Variants in OXR1 observed in about 807,000 individuals in gnomAD.
The protein encoded by OXR1 is oxidation resistance 1, also known as oxidation resistance protein 1.
In OXR1, 41 loss-of-function variants were observed where a neutral mutation model predicts 104.6. That is an observed-to-expected ratio of 0.39 (90% CI 0.31 to 0.51). OXR1 has a LOEUF of 0.51. Ranked by LOEUF, OXR1 falls within the 20% of genes least tolerant of loss-of-function variation. The pLI is 0.77. For missense variants in OXR1, 955 were observed against 1,031.9 expected, an observed-to-expected ratio of 0.93 and a Z score of 1.02; for synonymous variants, 348 against 348.4, an observed-to-expected ratio of 1.00 and a Z score of 0.01.
chr8:106,692,901 G>T (rs761030885), intron 7 of OXR1, 24 bp downstream of exon 7: 1 of 1,534,398 alleles, frequency 6.5e-7, no homozygotes, highest in South Asian at 1.2e-5. Flanking sequence ...CTTTAGAGAA[G>T]ACCTTTAATC....
intron 3 of OXR1, among the ~76,000 whole-genome samples, chr8:106,587,134 T>C (rs969650854): frequency 6.6e-6 from 1 of 152,028 alleles, no homozygotes; most frequent in Non-Finnish European, 1.5e-5. Flanking sequence ...AGTAAAGAGT[T>C]TCAAGATTGT....
chr8:106,734,116 C>T (rs1030848479), intron 11 of OXR1, among the ~76,000 whole-genome samples: 9 of 151,552 alleles, frequency 5.9e-5, no homozygotes, highest in African/African-American at 1.5e-4. Context: ...CCACCAGGCC[C>T]GGCTAATTTT....
intron 3 of OXR1, among the ~76,000 whole-genome samples, chr8:106,571,029 C>T (rs576873573): frequency 7.2e-5 from 11 of 151,778 alleles, no homozygotes; most frequent in African/African-American, 2.7e-4. Context: ...TTGAAGCACA[C>T]GGGACACATT....
intron 2 of OXR1, among the ~76,000 whole-genome samples, chr8:106,368,053 C>T (rs1216018390): frequency 2.0e-5 from 3 of 152,046 alleles, no homozygotes; most frequent in African/African-American, 4.8e-5. Flanking sequence ...AAATTTTGCC[C>T]TCCCTTACTA....
At chr8:106,392,485 C>T (rs1316720277) in intron 2 of OXR1, among the ~76,000 whole-genome samples, 1 of 151,922 alleles carries the variant, frequency 6.6e-6, no homozygotes, top group Non-Finnish European at 1.5e-5. Flanking sequence ...CACAAGGTCA[C>T]AGAGGTAGAG....
chr8:106,488,029 A>G (rs1563555526), intron 2 of OXR1, among the ~76,000 whole-genome samples: 2 of 147,406 alleles, frequency 1.4e-5, no homozygotes, highest in South Asian at 2.1e-4. Flanking sequence ...ACTAGTTTAC[A>G]GTCCCACCAA....
intron 2 of OXR1, among the ~76,000 whole-genome samples, chr8:106,426,222 A>G (rs555848842): frequency 1.2e-4 from 18 of 152,200 alleles, no homozygotes; most frequent in African/African-American, 4.3e-4. Flanking sequence ...TACTTAGAAC[A>G]GGACCTGGCA....
chr8:106,738,923 T>G (rs1325563969), intron 12 of OXR1, among the ~76,000 whole-genome samples: 1 of 152,108 alleles, frequency 6.6e-6, no homozygotes, highest in East Asian at 1.9e-4. Flanking sequence ...GTAACGTTTG[T>G]CAGTGAAACA....
chr8:106,588,247 C>G (rs2130676037), intron 3 of OXR1, among the ~76,000 whole-genome samples: 1 of 152,142 alleles, frequency 6.6e-6, no homozygotes, highest in East Asian at 1.9e-4. Context: ...GCATGAGCCA[C>G]CGCATCCGGC....
rs183687099 is a variant in OXR1 at position 106,358,308 on chromosome 8, T to A, written c.-138-1168T>A. Among the ~76,000 whole-genome samples, 46 of 152,326 alleles carry A rather than the reference T, an allele frequency of 3.0e-4. 1 individual carries two copies. Among genetic ancestry groups the A allele is most frequent in the East Asian group, 5.8e-4 (3 of 5,174 alleles). On this transcript the variant is annotated intron_variant, in intron 1 of 16. Transcript: ENST00000517566. ...GTATGAAAGAAAAATAAACTTTTTT[T>A]AAGCCACTTTATTTAGTGGCTTTTT... is the stretch of plus-strand genomic sequence containing the variant.
At chr8:106,495,044 G>A (rs1337415980) in intron 2 of OXR1, among the ~76,000 whole-genome samples, 1 of 152,028 alleles carries the variant, frequency 6.6e-6, no homozygotes, top group African/African-American at 2.4e-5. Flanking sequence ...TAGCCGATTT[G>A]CCCCTGCACA....
chr8:106,563,312 A>G (rs934277683), intron 3 of OXR1, among the ~76,000 whole-genome samples: 53 of 144,168 alleles, frequency 3.7e-4, no homozygotes, highest in South Asian at 1.6e-3. Context: ...AAAAAAAAAA[A>G]AAGAAAAAAA....
At chr8:106,696,101 A>G (rs764737229) in intron 7 of OXR1, among the ~76,000 whole-genome samples, 19 of 152,094 alleles carry the variant, frequency 1.2e-4, no homozygotes, top group Admixed American at 5.9e-4. Flanking sequence ...AAAATCCTCT[A>G]TGCACCACCT....
rs547640811 is a variant in OXR1 at position 106,680,835 on chromosome 8, C to T, written c.303+1543C>T. On this transcript the variant is annotated intron_variant, in intron 4 of 16. Transcript: ENST00000517566. ...ACCAATTCTTCTTCCTCCATCCTTCCACAATTCCTGATTTTCTCATTTCCG... is the reference window on the plus strand; with the variant it reads ...ACCAATTCTTCTTCCTCCATCCTTCTACAATTCCTGATTTTCTCATTTCCG... Among the ~76,000 whole-genome samples the T allele has an allele frequency of 9.9e-5, 15 of 152,202 alleles. No homozygotes were observed. The South Asian group carries it at 3.1e-3, about 32-fold the overall frequency.
rs1319781062 is a variant in OXR1, at chr8:106,706,383, G to T, written c.862G>T (p.Asp288Tyr). 1.9e-6 allele frequency: 3 copies of T among 1,560,466 alleles called. No individual in the cohort carries two copies. The highest frequency in any genetic ancestry group is 1.7e-6 in the Non-Finnish European group (2 of 1,161,830). Residue 288 changes from aspartate to tyrosine, a missense_variant and splice_region_variant, in exon 9 of 17, where the codon GAT (aspartate) becomes TAT (tyrosine). Coordinates refer to ENST00000517566, the MANE Select transcript of OXR1 (RefSeq NM_001198533.2). ...DSKIKESLPI[D>Y]IDQLSGRDFC... ...ATTTTTAATTTTGTTTAATGACAGAGATATAGATCAGCTATCAGGAAGGGA... is the reference window on the plus strand; with the variant it reads ...ATTTTTAATTTTGTTTAATGACAGATATATAGATCAGCTATCAGGAAGGGA...
chr8:106,537,117 T>C (rs565513571), intron 3 of OXR1, among the ~76,000 whole-genome samples: 16 of 152,076 alleles, frequency 1.1e-4, no homozygotes, highest in African/African-American at 3.6e-4. Context: ...CCTCATGTCT[T>C]TATAGGGCAT....
chr8:106,398,787 T>C (rs950716954), intron 2 of OXR1, among the ~76,000 whole-genome samples: 8 of 152,130 alleles, frequency 5.3e-5, no homozygotes, highest in Admixed American at 4.6e-4. Flanking sequence ...TTAGTTTTCA[T>C]TCATCAGGGC....
At chr8:106,579,959 C>T (rs904681171) in intron 3 of OXR1, among the ~76,000 whole-genome samples, 6 of 152,102 alleles carry the variant, frequency 3.9e-5, no homozygotes, top group African/African-American at 1.5e-4. Context: ...TTCCCGCCAG[C>T]TGCATAAAAT....
At chr8:106,457,251 T>C (rs1820646940) in intron 2 of OXR1, among the ~76,000 whole-genome samples, 1 of 152,180 alleles carries the variant, frequency 6.6e-6, no homozygotes, top group South Asian at 2.1e-4. Flanking sequence ...AGGTTTCTGA[T>C]AAAAAGATGA....
Sources: allele counts gnomAD v4.1 joint callset (sites outside exome capture counted in the v4.1 genomes callset), GRCh38; gene constraint gnomAD v4.1.1; transcripts MANE v1.5; gene names NCBI Gene and HGNC (gene_info 2026-07-23, HGNC 2026-07-21).